The following CACNA1G variants were observed in gnomAD, a reference collection of about 807,000 sequenced individuals.
CACNA1G encodes voltage-dependent T-type calcium channel subunit alpha-1G.
In CACNA1G, 67 loss-of-function variants were observed where a neutral mutation model predicts 219.4. The observed-to-expected ratio is 0.31, with a 90% CI of 0.25 to 0.37. The LOEUF (loss-of-function observed/expected upper bound fraction) is 0.37, where lower values mean the gene tolerates loss of function less well. Among genes scored for constraint, CACNA1G ranks in the 10% least tolerant of loss-of-function variants. The pLI, the probability that CACNA1G is intolerant of heterozygous loss-of-function variation, is 1.00. For synonymous variants in CACNA1G, 1,296 were observed against 1,345.3 expected (o/e 0.96, Z 0.80); for missense variants, 2,380 against 3,231.4 (o/e 0.74, Z 6.39).
chr17:50,618,888 C>G lies in CACNA1G; in HGVS notation c.5661C>G (p.Gly1887=), dbSNP rs2051108486. The change falls in exon 33 of 38, where the codon GGC becomes GGG. Residue 1887 remains glycine, a synonymous_variant. Transcript: ENST00000359106. The surrounding 1 kb of genome is among the most constrained non-coding windows in gnomAD (Gnocchi z 5.3). ...TLSPQPHSPL[G]SPFLWPGVEG... is the part of the protein sequence containing the mutation. ...GCCCCCAGCCCCACTCGCCACTGGG[C>G]AGCCCCTTCCTCTGGCCTGGGGTCG... 6.2e-7 allele frequency: 1 copy of G among 1,611,500 alleles called. No homozygotes were observed. The highest frequency in any genetic ancestry group is 8.5e-7 in the Non-Finnish European group (1 of 1,179,018).
rs543293080 is a variant in CACNA1G, at chr17:50,571,819, G to A, written c.587-59G>A. 3.5e-4 allele frequency: 547 copies of A among 1,581,968 alleles called. No individual in the cohort carries two copies. The South Asian group carries it at 5.5e-3, about 16-fold the overall frequency. ...GCCCCTCCGGGAGTGCTGCCGGGCC[G>A]TGGCAGTCAGCCTAGCCCGGCCAGC... On this transcript the variant is annotated intron_variant, in intron 4 of 37. Coordinates refer to ENST00000359106, the MANE Select transcript of CACNA1G (RefSeq NM_018896.5). This position sits in a 1 kb window ranked among gnomAD's most constrained non-coding sequence, Gnocchi z 4.3.
intron 37 of CACNA1G, among the ~76,000 whole-genome samples, chr17:50,624,955 C>CTTTTTT (rs3986415): frequency 1.7e-5 from 2 of 117,520 alleles, no homozygotes; most frequent in African/African-American, 3.4e-5. Flanking sequence ...AGCCCAGATT[C>CTTTTTT]TTTTTTTTTT....
chr17:50,575,613 G>A lies in CACNA1G; in HGVS notation c.1211G>A (p.Arg404Gln), dbSNP rs775209826. ...IATQFSETKQ[R>Q]ESQLMREQRV... ...ACGCAGTTCTCAGAGACCAAGCAGC[G>A]GGAAAGCCAGCTGATGCGGGAGCAG... Residue 404 changes from arginine to glutamine, a missense_variant, in exon 8 of 38, where the codon CGG (arginine) becomes CAG (glutamine). This residue lies in a region of CACNA1G where 72 missense variants were observed against 175.8 expected (regional missense o/e 0.41). Transcript: ENST00000359106. The A allele has an allele frequency of 1.2e-6, 2 of 1,613,728 alleles. No individual in the cohort carries two copies. The highest frequency in any genetic ancestry group is 1.7e-6 in the Non-Finnish European group (2 of 1,179,880).
intron 9 of CACNA1G, among the ~76,000 whole-genome samples, chr17:50,587,238 G>A (rs1240328980): frequency 6.6e-6 from 1 of 152,140 alleles, no homozygotes; most frequent in African/African-American, 2.4e-5. Context: ...ACCTCTCCAG[G>A]AGGGTGATGT....
In CACNA1G at chr17:50,627,363, A is replaced by G. The variant is rs762129542; in HGVS notation, c.*612A>G. The G allele has an allele frequency of 6.8e-5, 27 of 398,028 alleles. 1 individual carries two copies. The highest frequency in any genetic ancestry group is 3.8e-4 in the South Asian group (21 of 54,800). 24.7% of individuals were successfully genotyped at this position (398,028 alleles called of 1,614,324 possible). ...TTTCTGTAGGGAAAAAAAAAAGAAAAAGAAAAAATGAGATTTTACAAGTGA... is the reference window on the plus strand; with the variant it reads ...TTTCTGTAGGGAAAAAAAAAAGAAAGAGAAAAAATGAGATTTTACAAGTGA... On this transcript the variant is annotated 3_prime_UTR_variant, in exon 38 of 38. Coordinates refer to ENST00000359106, the MANE Select transcript of CACNA1G (RefSeq NM_018896.5).
rs528574875 is a variant in CACNA1G, at chr17:50,626,898, A to T, written c.*147A>T. The T allele has an allele frequency of 2.0e-5, 20 of 1,008,790 alleles. No individual in the cohort carries two copies. In the East Asian group the frequency reaches 2.4e-4, roughly 12 times the overall value. The allele number at this position is 1,008,790 out of a possible 1,614,324, so 62.5% of individuals were successfully genotyped here. A position where few individuals can be genotyped will look rare whatever the true frequency, so the allele number is the denominator to read the frequency against. On this transcript the variant is annotated 3_prime_UTR_variant, in exon 38 of 38. Coordinates refer to ENST00000359106, the MANE Select transcript of CACNA1G (RefSeq NM_018896.5). The surrounding 1 kb of genome is among the most constrained non-coding windows in gnomAD (Gnocchi z 4.3). ...TGCCTCAGTGGCTCTGGGTACCTGC[A>T]AGCAGAACTTCCAAAGAGAGTTAAA...
intron 33 of CACNA1G, 135 bp from the exon 34 acceptor site, chr17:50,619,548 G>T: frequency 1.2e-5 from 7 of 608,204 alleles, no homozygotes; most frequent in African/African-American, 1.9e-5. Flanking sequence ...GTGCACATGT[G>T]CATGTGTGTT....
chr17:50,569,346 T>C, intron 3 of CACNA1G, 48 bp downstream of exon 3: 1 of 1,597,408 alleles, frequency 6.3e-7, no homozygotes, highest in Non-Finnish European at 8.6e-7. Context: ...GATCGGTCCC[T>C]TCCCCGGGGC....
At position 50,578,985 on chromosome 17, in the gene CACNA1G, A is replaced by G. The variant is rs1295564687; in HGVS notation, c.2301+421A>G. 6.6e-6 allele frequency among the ~76,000 whole-genome samples: 1 copy of G among 151,892 alleles called. No individual in the cohort carries two copies. The highest frequency in any genetic ancestry group is 1.5e-5 in the Non-Finnish European group (1 of 67,978). On this transcript the variant is annotated intron_variant, in intron 9 of 37. Coordinates refer to ENST00000359106, the MANE Select transcript of CACNA1G (RefSeq NM_018896.5). The surrounding 1 kb of genome is among the most constrained non-coding windows in gnomAD (Gnocchi z 4.5). ...ACTAAGTCCGGGTGTGACTGATTGG[A>G]GGCAGGAGGGGCCATGTAAACAGGG...
chr17:50,604,598 T>C (rs927868649), intron 22 of CACNA1G, among the ~76,000 whole-genome samples: 2 of 152,188 alleles, frequency 1.3e-5, no homozygotes, highest in African/African-American at 4.8e-5. Flanking sequence ...CGGGATCCCC[T>C]CCCTTCCTTC....
intron 25 of CACNA1G, 35 bp from the exon 26 acceptor site, chr17:50,609,847 C>T (rs376287989): frequency 4.0e-5 from 64 of 1,602,848 alleles, no homozygotes; most frequent in Non-Finnish European, 5.0e-5. Flanking sequence ...GCACCTGGTC[C>T]GGCCAGTGAC....
chr17:50,617,990 AG>A lies in CACNA1G; in HGVS notation c.5227-57del, dbSNP rs1203620459. The A allele has an allele frequency of 6.2e-7, 1 of 1,612,580 alleles. No individual in the cohort carries two copies. The highest frequency in any genetic ancestry group is 8.5e-7 in the Non-Finnish European group (1 of 1,178,836). ...GGTGCTTTCCAGAGGGAAGGGGCTCAGAGAAGCTGACTGGGAGACCCAGCGG... is the reference window on the plus strand; with the variant it reads ...GGTGCTTTCCAGAGGGAAGGGGCTCAAGAAGCTGACTGGGAGACCCAGCGG... On this transcript the variant is annotated intron_variant, in intron 30 of 37. Coordinates refer to ENST00000359106, the MANE Select transcript of CACNA1G (RefSeq NM_018896.5). The surrounding 1 kb of genome is among the most constrained non-coding windows in gnomAD (Gnocchi z 5.8).
chr17:50,627,428 T>A lies in CACNA1G; in HGVS notation c.*677T>A, dbSNP rs1029010804. On this transcript the variant is annotated 3_prime_UTR_variant, in exon 38 of 38. Coordinates refer to ENST00000359106, the MANE Select transcript of CACNA1G (RefSeq NM_018896.5). ...ATATATACATACATACATATCTATC[T>A]ATCTATCTATATATATATAAAATAA... 4 of 328,820 alleles carry A rather than the reference T, an allele frequency of 1.2e-5. No homozygotes were observed. Among genetic ancestry groups the A allele is most frequent in the Admixed American group, 8.2e-5 (2 of 24,330 alleles). The allele number at this position is 328,820 out of a possible 1,614,324, so 20.4% of individuals were successfully genotyped here.
At chr17:50,579,911 A>C (rs148093068) in intron 9 of CACNA1G, among the ~76,000 whole-genome samples, 257 of 152,274 alleles carry the variant, frequency 1.7e-3, no homozygotes, top group African/African-American at 6.0e-3. Context: ...TGGAGCAGAC[A>C]GTGAGGTGTT....
rs1327458362 is a variant in CACNA1G at position 50,571,025 on chromosome 17, G to T, written c.587-853G>T. 6.6e-6 allele frequency among the ~76,000 whole-genome samples: 1 copy of T among 152,226 alleles called. No homozygotes were observed. Among genetic ancestry groups the T allele is most frequent in the Non-Finnish European group, 1.5e-5 (1 of 68,040 alleles). ...CGAGGGCTTGGCGGACTGGGGGCTG[G>T]TTCAGACCATTTGGGCCGGTTGGGT... is the stretch of plus-strand genomic sequence containing the variant. On this transcript the variant is annotated intron_variant, in intron 4 of 37. Coordinates refer to ENST00000359106, the MANE Select transcript of CACNA1G (RefSeq NM_018896.5). This position sits in a 1 kb window ranked among gnomAD's most constrained non-coding sequence, Gnocchi z 4.3.
intron 26 of CACNA1G, among the ~76,000 whole-genome samples, chr17:50,611,929 C>G (rs2049298426): frequency 6.6e-6 from 1 of 152,234 alleles, no homozygotes; most frequent in African/African-American, 2.4e-5. Flanking sequence ...ATAGACCCCA[C>G]TGTATCCTGG....
Position 50,561,065 on chromosome 17 carries a change from C to A in CACNA1G, c.-395C>A, listed in dbSNP as rs931307983. 7.9e-6 allele frequency: 3 copies of A among 381,760 alleles called. No individual in the cohort carries two copies. The highest frequency in any genetic ancestry group is 1.5e-5 in the Non-Finnish European group (3 of 194,740). 23.6% of individuals were successfully genotyped at this position (381,760 alleles called of 1,614,324 possible). A position where few individuals can be genotyped will look rare whatever the true frequency, so the allele number is the denominator to read the frequency against. On this transcript the variant is annotated 5_prime_UTR_variant, in exon 1 of 38. Coordinates refer to ENST00000359106, the MANE Select transcript of CACNA1G (RefSeq NM_018896.5). Reference sequence around the variant, plus strand: ...GGAAGAGGGGGCGCCCCTCCCCGGACCCCCGCCCTCCGCCGCTGCCCCCCT... The same window carrying A: ...GGAAGAGGGGGCGCCCCTCCCCGGAACCCCGCCCTCCGCCGCTGCCCCCCT...
rs1225776886 is a variant in CACNA1G at position 50,617,201 on chromosome 17, A to C, written c.5022-237A>C. Among the ~76,000 whole-genome samples the C allele has an allele frequency of 1.3e-5, 2 of 152,230 alleles. No homozygotes were observed. The highest frequency in any genetic ancestry group is 4.8e-5 in the African/African-American group (2 of 41,450). On this transcript the variant is annotated intron_variant, in intron 28 of 37. Transcript: ENST00000359106. This position sits in a 1 kb window ranked among gnomAD's most constrained non-coding sequence, Gnocchi z 5.8. The stretch of plus-strand genomic sequence containing the variant: ...ACACCATATAAGTGCTAAATTAAAA[A>C]TAAAAGCAAATGAATACAAATGAAA...
chr17:50,561,150 C>T lies in CACNA1G; in HGVS notation c.-310C>T. ...GTAGCGCCGAATCCGGCAACCGGAG[C>T]CTGGGCGCGAAGCGAAGAAGCCGGA... On this transcript the variant is annotated 5_prime_UTR_variant, in exon 1 of 38. Coordinates refer to ENST00000359106, the MANE Select transcript of CACNA1G (RefSeq NM_018896.5). The T allele has an allele frequency of 1.9e-6, 1 of 525,820 alleles. No homozygotes were observed. The allele number at this position is 525,820 out of a possible 1,614,324, so 32.6% of individuals were successfully genotyped here.
Sources: gnomAD v4.1 joint callset for allele counts (sites outside exome capture counted in the v4.1 genomes callset) on GRCh38, gnomAD v4.1.1 for gene constraint, gnomAD v4.1.1 regional missense constraint, Gnocchi (gnomAD v3.1) non-coding constraint, MANE v1.5 for transcripts, NCBI Gene and HGNC (gene_info 2026-07-23, HGNC 2026-07-21) for gene names.